Variants in KCNH7 observed in about 807,000 individuals in gnomAD.
The protein encoded by KCNH7 is voltage-gated inwardly rectifying potassium channel KCNH7.
Under a neutral mutation model 120.8 loss-of-function variants are expected in KCNH7, and 49 were observed. That is an observed-to-expected ratio of 0.41 (90% CI 0.32 to 0.51). The LOEUF (loss-of-function observed/expected upper bound fraction) is 0.51. KCNH7 is among the 20% of genes least tolerant of loss of function. The pLI is 0.38. For missense variants in KCNH7, 1,097 were observed against 1,446.6 expected, an observed-to-expected ratio of 0.76 and a Z score of 3.92; for synonymous variants, 547 against 516.1, an observed-to-expected ratio of 1.06 and a Z score of -0.81.
intron 2 of KCNH7, among the ~76,000 whole-genome samples, chr2:162,728,714 G>C (rs1483862916): frequency 1.3e-5 from 2 of 152,110 alleles, no homozygotes; most frequent in African/African-American, 2.4e-5. Flanking sequence ...GGAGGCAGAG[G>C]TTGTGGTGAG....
chr2:162,831,179 A>G (rs1015940780), intron 2 of KCNH7, among the ~76,000 whole-genome samples: 1 of 152,174 alleles, frequency 6.6e-6, no homozygotes, highest in African/African-American at 2.4e-5. Flanking sequence ...TTATTTCCAC[A>G]AAACGGAGAT....
chr2:162,633,744 C>G (rs1341989203), intron 2 of KCNH7, among the ~76,000 whole-genome samples: 2 of 151,908 alleles, frequency 1.3e-5, no homozygotes, highest in African/African-American at 4.8e-5. Context: ...TGTCTATTCT[C>G]GTACCTACAT....
chr2:162,789,736 A>C (rs1299515593), intron 2 of KCNH7, among the ~76,000 whole-genome samples: 1 of 152,062 alleles, frequency 6.6e-6, no homozygotes, highest in Non-Finnish European at 1.5e-5. Context: ...TGTTGGAATT[A>C]AACAACATAC....
At chr2:162,452,684 C>T (rs529979687) in intron 6 of KCNH7, among the ~76,000 whole-genome samples, 70 of 152,174 alleles carry the variant, frequency 4.6e-4, no homozygotes, top group African/African-American at 1.6e-3. Context: ...AGCCACATTT[C>T]AGAGACTCAT....
chr2:162,561,677 G>A (rs1356449106), intron 2 of KCNH7, among the ~76,000 whole-genome samples: 2 of 152,088 alleles, frequency 1.3e-5, no homozygotes, highest in Admixed American at 1.3e-4. Flanking sequence ...TTCGTTGGTT[G>A]CATAAATGTC....
intron 7 of KCNH7, among the ~76,000 whole-genome samples, chr2:162,437,374 G>T (rs1688274879): frequency 2.0e-5 from 3 of 152,124 alleles, no homozygotes; most frequent in African/African-American, 7.2e-5. Flanking sequence ...AGAGTGGAAT[G>T]AAGGTGCTTG....
chr2:162,687,743 T>G (rs563382092), intron 2 of KCNH7, among the ~76,000 whole-genome samples: 1 of 152,274 alleles, frequency 6.6e-6, no homozygotes, highest in South Asian at 2.1e-4. Context: ...GGGTCAAGAT[T>G]AAGGGTACAT....
At chr2:162,655,907 A>T (rs1684738756) in intron 2 of KCNH7, among the ~76,000 whole-genome samples, 1 of 152,222 alleles carries the variant, frequency 6.6e-6, no homozygotes, top group Non-Finnish European at 1.5e-5. Context: ...TTTAATAATG[A>T]TAATAACAAT....
chr2:162,542,445 C>T (rs1692342110), intron 2 of KCNH7, among the ~76,000 whole-genome samples: 1 of 135,216 alleles, frequency 7.4e-6, no homozygotes, highest in African/African-American at 2.8e-5. Flanking sequence ...GTTCCCCTTC[C>T]TGTGTCCATG....
Position 162,824,083 on chromosome 2 carries a change from G to A in KCNH7, c.307+12454C>T, listed in dbSNP as rs560301367. 1.6e-3 allele frequency among the ~76,000 whole-genome samples: 247 copies of A among 152,048 alleles called. 1 individual carries two copies. Among genetic ancestry groups the A allele is most frequent in the Non-Finnish European group, 2.7e-3 (186 of 67,978 alleles). ...TGGTAAAGATTTAAAGGCTGTAATCGGCATTCTTGATATTTTCAAAAAGTT... is the reference window on the plus strand; with the variant it reads ...TGGTAAAGATTTAAAGGCTGTAATCAGCATTCTTGATATTTTCAAAAAGTT... On this transcript the variant is annotated intron_variant, in intron 2 of 15. Coordinates refer to ENST00000332142, the MANE Select transcript of KCNH7 (RefSeq NM_033272.4).
chr2:162,736,690 A>T (rs1687923240), intron 2 of KCNH7, among the ~76,000 whole-genome samples: 3 of 152,116 alleles, frequency 2.0e-5, no homozygotes, highest in African/African-American at 7.2e-5. Context: ...TGGGTGTTGG[A>T]CTGTTGTAAT....
At chr2:162,460,546 A>T (rs1219270654) in intron 6 of KCNH7, among the ~76,000 whole-genome samples, 1 of 152,172 alleles carries the variant, frequency 6.6e-6, no homozygotes, top group African/African-American at 2.4e-5. Flanking sequence ...ATGCTTTGTG[A>T]TGCTGGAGGC....
chr2:162,829,446 C>T (rs945924007), intron 2 of KCNH7, among the ~76,000 whole-genome samples: 1 of 152,030 alleles, frequency 6.6e-6, no homozygotes, highest in Non-Finnish European at 1.5e-5. Flanking sequence ...GAGTGTGTAA[C>T]ATATTCAGTT....
chr2:162,697,550 T>C (rs946001555), intron 2 of KCNH7, among the ~76,000 whole-genome samples: 8 of 152,118 alleles, frequency 5.3e-5, no homozygotes, highest in African/African-American at 1.9e-4. Flanking sequence ...GTAATTGTTA[T>C]TTTGTGGGCA....
intron 8 of KCNH7, among the ~76,000 whole-genome samples, chr2:162,425,526 G>T (rs985504788): frequency 1.3e-5 from 2 of 152,136 alleles, no homozygotes; most frequent in East Asian, 3.9e-4. Flanking sequence ...TGATTGCTGT[G>T]ATCCAAGGAG....
At chr2:162,408,697 G>T (rs545399266) in intron 9 of KCNH7, among the ~76,000 whole-genome samples, 1 of 151,842 alleles carries the variant, frequency 6.6e-6, no homozygotes, top group Non-Finnish European at 1.5e-5. Flanking sequence ...CTTTTATAAA[G>T]GTGGGTCATT....
chr2:162,480,682 A>T (rs1465830609), intron 6 of KCNH7, among the ~76,000 whole-genome samples: 2 of 152,138 alleles, frequency 1.3e-5, no homozygotes, highest in Non-Finnish European at 2.9e-5. Flanking sequence ...ATTTATTTTT[A>T]AACAAACTCT....
intron 6 of KCNH7, among the ~76,000 whole-genome samples, chr2:162,450,838 G>A (rs1288925362): frequency 6.6e-6 from 1 of 151,906 alleles, no homozygotes; most frequent in Non-Finnish European, 1.5e-5. Context: ...AGATCAATTA[G>A]GACTTTGGTA....
At chr2:162,721,003 G>T (rs183240167) in intron 2 of KCNH7, among the ~76,000 whole-genome samples, 2 of 151,932 alleles carry the variant, frequency 1.3e-5, no homozygotes, top group Non-Finnish European at 2.9e-5. Flanking sequence ...CCTGAGGTGC[G>T]GTGCTTGCAG....
Sources: gnomAD v4.1 joint callset for allele counts (sites outside exome capture counted in the v4.1 genomes callset) on GRCh38, gnomAD v4.1.1 for gene constraint, MANE v1.5 for transcripts, NCBI Gene and HGNC (gene_info 2026-07-23, HGNC 2026-07-21) for gene names.